The following ADARB2 variants were observed in gnomAD, a reference collection of about 807,000 sequenced individuals.
ADARB2 encodes the protein inactive double-stranded RNA-specific editase B2.
ADARB2 carries 25 observed loss-of-function variants against 62.2 expected under a neutral mutation model. The observed-to-expected ratio is 0.40, with a 90% confidence interval of 0.29 to 0.56. The LOEUF is 0.56. ADARB2 is among the 20% of genes least tolerant of loss of function. ADARB2 has a pLI of 0.43. For missense variants in ADARB2, 1,071 were observed against 1,077.4 expected (o/e 0.99, Z 0.08); for synonymous variants, 572 against 500.8 (o/e 1.14, Z -1.90).
At chr10:1,669,250 A>T (rs1834350184) in intron 1 of ADARB2, among the ~76,000 whole-genome samples, 1 of 152,148 alleles carries the variant, frequency 6.6e-6, no homozygotes, top group African/African-American at 2.4e-5. Context: ...AGGCCTGAGG[A>T]GATGATACCA....
At chr10:1,207,682 A>G (rs1837087776) in intron 7 of ADARB2, among the ~76,000 whole-genome samples, 1 of 152,082 alleles carries the variant, frequency 6.6e-6, no homozygotes, top group Non-Finnish European at 1.5e-5. Context: ...CCCAGAGAGC[A>G]GCTGTAATTT....
chr10:1,299,338 G>A (rs1002256867), intron 3 of ADARB2, among the ~76,000 whole-genome samples: 6 of 152,080 alleles, frequency 3.9e-5, no homozygotes, highest in Non-Finnish European at 8.8e-5. Context: ...GGACGTGGAC[G>A]TGGCCACAGC....
rs1937740813 is a variant in ADARB2, at chr10:1,303,358, C to T, written c.1078-32289G>A. On this transcript the variant is annotated intron_variant, in intron 3 of 9. Transcript: ENST00000381312. The stretch of plus-strand genomic sequence containing the variant: ...GAATAAAAAGAAATGAGCAAAGCCT[C>T]CAAGAAATATGGGACTATGTGAAAA... 2.0e-5 allele frequency among the ~76,000 whole-genome samples: 3 copies of T among 151,816 alleles called. No individual in the cohort carries two copies. The South Asian group carries it at 6.3e-4, about 32-fold the overall frequency.
At position 1,704,973 on chromosome 10, in the gene ADARB2, C is replaced by G. The variant is rs1475495020; in HGVS notation, c.100+32078G>C. Among the ~76,000 whole-genome samples the G allele has an allele frequency of 6.6e-6, 1 of 152,098 alleles. No homozygotes were observed. Among genetic ancestry groups the G allele is most frequent in the Non-Finnish European group, 1.5e-5 (1 of 68,022 alleles). On this transcript the variant is annotated intron_variant, in intron 1 of 9. Coordinates refer to ENST00000381312, the MANE Select transcript of ADARB2 (RefSeq NM_018702.4). This position sits in a 1 kb window ranked among gnomAD's most constrained non-coding sequence, Gnocchi z 5.6. ...GTCTCAGAGGCAATAACCCCATGAG[C>G]ACAGACCCACAGGCAAAGCCCTGGG...
At position 1,185,021 on chromosome 10, in the gene ADARB2, G is replaced by C. The variant is rs762464849; in HGVS notation, c.1883C>G (p.Ala628Gly). The C allele has an allele frequency of 6.2e-7, 1 of 1,612,572 alleles. No homozygotes were observed. The highest frequency in any genetic ancestry group is 8.5e-7 in the Non-Finnish European group (1 of 1,179,688). The change falls in exon 9 of 10, where the codon GCG (alanine) becomes GGG (glycine). Residue 628 changes from alanine to glycine, a missense_variant. Ala to Gly is a moderately conservative substitution (Grantham distance 60). Transcript: ENST00000381312. ...PLLSGVSDAE[A>G]RQPGKSPPFS... is the part of the protein sequence containing the mutation. The stretch of plus-strand genomic sequence containing the variant: ...GGGGGGCGACTTCCCCGGCTGGCGC[G>C]CCTCGGCGTCACTCACGCCTGTCGG...
intron 1 of ADARB2, among the ~76,000 whole-genome samples, chr10:1,383,122 A>G (rs1832498601): frequency 1.3e-5 from 2 of 152,132 alleles, no homozygotes; most frequent in African/African-American, 4.8e-5. Context: ...AAGCAATTTT[A>G]TGTATTTTAG....
At chr10:1,411,218 C>T (rs1196523792) in intron 1 of ADARB2, among the ~76,000 whole-genome samples, 3 of 152,158 alleles carry the variant, frequency 2.0e-5, no homozygotes, top group Non-Finnish European at 4.4e-5. Flanking sequence ...CTGGTTCAGG[C>T]CTTCTGCACC....
At chr10:1,692,498 G>A (rs1834686530) in intron 1 of ADARB2, among the ~76,000 whole-genome samples, 1 of 152,154 alleles carries the variant, frequency 6.6e-6, no homozygotes, top group Admixed American at 6.5e-5. Context: ...ATTCAGCAGG[G>A]ATAGTTTTTG....
At chr10:1,718,105 C>T (rs373261915) in intron 1 of ADARB2, among the ~76,000 whole-genome samples, 37 of 152,182 alleles carry the variant, frequency 2.4e-4, no homozygotes, top group South Asian at 1.9e-3. Flanking sequence ...AACCAAGAGG[C>T]ACAAACACAG....
At chr10:1,402,986 A>G (rs566187750) in intron 1 of ADARB2, among the ~76,000 whole-genome samples, 56 of 152,340 alleles carry the variant, frequency 3.7e-4, no homozygotes, top group Non-Finnish European at 6.6e-4. Context: ...TGAGGGGCAC[A>G]GGACTCAGCT....
At chr10:1,616,485 T>G (rs1303995592) in intron 1 of ADARB2, among the ~76,000 whole-genome samples, 1 of 150,550 alleles carries the variant, frequency 6.6e-6, no homozygotes. Flanking sequence ...CACACCACCC[T>G]GCTGAGCTCT....
At chr10:1,554,114 C>T (rs1361826726) in intron 1 of ADARB2, among the ~76,000 whole-genome samples, 1 of 152,200 alleles carries the variant, frequency 6.6e-6, no homozygotes, top group Non-Finnish European at 1.5e-5. Context: ...CCAGGCTCAT[C>T]TCAGCGGCCC....
At chr10:1,482,187 G>GTTCCTTGGGAACCGCTT (rs1831482612) in intron 1 of ADARB2, among the ~76,000 whole-genome samples, 3 of 152,208 alleles carry the variant, frequency 2.0e-5, no homozygotes, top group African/African-American at 7.2e-5. Flanking sequence ...CAGTATGGCG[G>GTTCCTTGGGAACCGCTT]TTCCTTGGGA....
intron 1 of ADARB2, among the ~76,000 whole-genome samples, chr10:1,698,909 C>T (rs2119137344): frequency 6.6e-6 from 1 of 152,278 alleles, no homozygotes; most frequent in South Asian, 2.1e-4. Flanking sequence ...TACAGGCACC[C>T]ACCACCAGGC....
At chr10:1,666,810 A>G (rs1014666085) in intron 1 of ADARB2, among the ~76,000 whole-genome samples, 2 of 152,190 alleles carry the variant, frequency 1.3e-5, no homozygotes, top group African/African-American at 2.4e-5. Flanking sequence ...GCCAATGTTT[A>G]ACGGCATCAG....
chr10:1,634,890 A>AT (rs1278543304), intron 1 of ADARB2, among the ~76,000 whole-genome samples: 2 of 152,138 alleles, frequency 1.3e-5, no homozygotes, highest in African/African-American at 4.8e-5. Flanking sequence ...CAGAACAAAC[A>AT]TTTTTTAATT....
At chr10:1,260,536 T>C (rs1208392685) in intron 4 of ADARB2, among the ~76,000 whole-genome samples, 2 of 151,760 alleles carry the variant, frequency 1.3e-5, no homozygotes, top group Non-Finnish European at 2.9e-5. Context: ...AAATCATGAG[T>C]GAACTCCCAT....
At chr10:1,416,911 G>T (rs1297604884) in intron 1 of ADARB2, among the ~76,000 whole-genome samples, 6 of 152,242 alleles carry the variant, frequency 3.9e-5, no homozygotes, top group Admixed American at 3.3e-4. Context: ...GAGAAGGGAG[G>T]TGGGTGCAGC....
chr10:1,234,773 C>G (rs886965791), intron 5 of ADARB2, among the ~76,000 whole-genome samples: 26 of 76,186 alleles, frequency 3.4e-4, no homozygotes, highest in Non-Finnish European at 4.9e-4. Flanking sequence ...TTTTTTGTGA[C>G]GGAGTCTTGC....
Sources: allele counts gnomAD v4.1 joint callset (sites outside exome capture counted in the v4.1 genomes callset), GRCh38; gene constraint gnomAD v4.1.1; non-coding constraint Gnocchi (gnomAD v3.1); transcripts MANE v1.5; gene names NCBI Gene and HGNC (gene_info 2026-07-23, HGNC 2026-07-21).